Variants in ICE2 observed in about 807,000 individuals in gnomAD.
The protein encoded by ICE2 is interactor of little elongation complex ELL subunit 2.
Under a neutral mutation model 105.4 loss-of-function variants are expected in ICE2, and 87 were observed. The ratio of observed to expected loss-of-function variants is 0.83; its 90% CI spans 0.69 to 0.99. The LOEUF is 0.99. Ranked by LOEUF, ICE2 falls within the 50% of genes least tolerant of loss-of-function variation. ICE2 has a pLI of 0.00. For missense variants in ICE2, 1,323 were observed against 1,146.7 expected, an observed-to-expected ratio of 1.15 and a Z score of -2.22; for synonymous variants, 399 against 392.0, an observed-to-expected ratio of 1.02 and a Z score of -0.21.
chr15:60,471,876 C>T (rs1395820457), intron 3 of ICE2, among the ~76,000 whole-genome samples: 2 of 151,636 alleles, frequency 1.3e-5, no homozygotes, highest in Non-Finnish European at 1.5e-5. Flanking sequence ...TTAAAAGTAG[C>T]ATTTGGAAAT....
At chr15:60,474,703 C>T (rs1436774218) in intron 3 of ICE2, among the ~76,000 whole-genome samples, 3 of 152,072 alleles carry the variant, frequency 2.0e-5, no homozygotes, top group African/African-American at 7.3e-5. Flanking sequence ...TATTTCTTCC[C>T]AGTGAGCATA....
At position 60,468,631 on chromosome 15, in the gene ICE2, T is replaced by C. The variant is rs185081029; in HGVS notation, c.147-309A>G. Among the ~76,000 whole-genome samples the C allele has an allele frequency of 4.7e-3, 709 of 152,320 alleles. 3 individuals are homozygous for C. The highest frequency in any genetic ancestry group is 0.015 in the African/African-American group (637 of 41,570). ...GAAAATCGTTCTTGCCAATTACACA[T>C]GCAGGTACTTTATGTTTACATTTTA... On this transcript the variant is annotated intron_variant, in intron 3 of 15. Coordinates refer to ENST00000261520, the MANE Select transcript of ICE2 (RefSeq NM_024611.6).
At chr15:60,428,772 T>C (rs1055554277) in intron 14 of ICE2, 85 bp from the exon 15 acceptor site, 15 of 1,409,942 alleles carry the variant, frequency 1.1e-5, no homozygotes, top group South Asian at 1.5e-5. Context: ...ATTAGTAAAA[T>C]TGAAAATTAT....
chr15:60,472,696 C>A (rs1310531752), intron 3 of ICE2, among the ~76,000 whole-genome samples: 2 of 151,980 alleles, frequency 1.3e-5, no homozygotes, highest in African/African-American at 4.8e-5. Flanking sequence ...TGAAAAGAAC[C>A]GTAAAAATAA....
At chr15:60,464,375 C>G (rs913218201) in intron 5 of ICE2, among the ~76,000 whole-genome samples, 2 of 151,786 alleles carry the variant, frequency 1.3e-5, no homozygotes, top group Non-Finnish European at 2.9e-5. Context: ...CACTGTTTTA[C>G]AAAAACAGTG....
chr15:60,428,470 T>G lies in ICE2; in HGVS notation c.2779A>C (p.Thr927Pro). ...YHIHHGRIPCTFPPKSLDTTT... is the reference protein window; with the variant it reads ...YHIHHGRIPCPFPPKSLDTTT... Reference sequence around the variant, plus strand: ...GTATCCAGTGATTTCGGTGGAAAAGTACAAGGTATTCTTCCATGATGGATA... The same window carrying G: ...GTATCCAGTGATTTCGGTGGAAAAGGACAAGGTATTCTTCCATGATGGATA... The change falls in exon 15 of 16, where the codon ACT (threonine) becomes CCT (proline). Residue 927 changes from threonine (T) to proline (P), a missense_variant. Coordinates refer to ENST00000261520, the MANE Select transcript of ICE2 (RefSeq NM_024611.6). 6.2e-7 allele frequency: 1 copy of G among 1,614,110 alleles called. No homozygotes were observed. The highest frequency in any genetic ancestry group is 8.5e-7 in the Non-Finnish European group (1 of 1,179,982).
intron 5 of ICE2, among the ~76,000 whole-genome samples, chr15:60,462,116 TGCTACATGGTAA>T (rs2064295525): frequency 6.6e-6 from 1 of 152,244 alleles, no homozygotes; most frequent in Non-Finnish European, 1.5e-5. Flanking sequence ...GTATTTATTC[TGCTACATGGTAA>T]GCTACATGAA....
chr15:60,468,340 ATT>A lies in ICE2; in HGVS notation c.147-20_147-19del. 1 of 1,572,708 alleles carries A rather than the reference ATT, an allele frequency of 6.4e-7. No individual in the cohort carries two copies. Among genetic ancestry groups the A allele is most frequent in the Non-Finnish European group, 8.7e-7 (1 of 1,150,820 alleles). On this transcript the variant is annotated intron_variant, in intron 3 of 15. Transcript: ENST00000261520. ...CTATACGTCTGGAAAACAAAATATA[ATT>A]TACAAATATGTGCTTTTCACATGAA...
rs972854160 is a variant in ICE2, at chr15:60,422,238, T to C, written c.*1396A>G. The C allele has an allele frequency of 1.3e-5, 2 of 151,734 alleles. No homozygotes were observed. The highest frequency in any genetic ancestry group is 4.8e-5 in the African/African-American group (2 of 41,282). The allele number at this position is 151,734 out of a possible 1,614,324, so 9.4% of individuals were successfully genotyped here. ...GCCTTGACTTCTTGGGCTCAAGCAA[T>C]TCTTCTGCCTCAGCCTTTTGAGTAG... On this transcript the variant is annotated 3_prime_UTR_variant, in exon 16 of 16. Transcript: ENST00000261520.
intron 4 of ICE2, among the ~76,000 whole-genome samples, chr15:60,467,200 T>C (rs2064455797): frequency 6.6e-6 from 1 of 152,156 alleles, no homozygotes; most frequent in Admixed American, 6.5e-5. Context: ...TGATCTCAGG[T>C]GATCTACCTG....
intron 11 of ICE2, 61 bp downstream of exon 11, chr15:60,447,909 A>G (rs1229496972): frequency 1.5e-6 from 2 of 1,301,546 alleles, no homozygotes; most frequent in Non-Finnish European, 2.2e-6. Flanking sequence ...CAGTAATGGC[A>G]TGTTAAGTAT....
In ICE2 at chr15:60,449,572, T is replaced by C. The variant is rs1301245308; in HGVS notation, c.1395A>G (p.Gln465=). The C allele has an allele frequency of 6.2e-6, 10 of 1,614,078 alleles. No individual in the cohort carries two copies. The highest frequency in any genetic ancestry group is 4.5e-5 in the East Asian group (2 of 44,902). The change falls in exon 10 of 16, where the codon CAA becomes CAG. Residue 465 remains glutamine, a synonymous_variant. Coordinates refer to ENST00000261520, the MANE Select transcript of ICE2 (RefSeq NM_024611.6). ...TACCAGTGACCAGCTGTTTCTCCTT[T>C]TGCAATTGTTCCATCAGAATCTGAG... ...SLSQILMEQL[Q]KEKQLVTGMD...
At chr15:60,453,035 A>C (rs2064002679) in intron 9 of ICE2, 1 of 840,316 alleles carries the variant, frequency 1.2e-6, no homozygotes. Context: ...GTTTGAGACC[A>C]GCCAGGCCAA....
intron 5 of ICE2, among the ~76,000 whole-genome samples, chr15:60,460,147 A>G (rs1262070483): frequency 1.3e-5 from 2 of 152,168 alleles, no homozygotes; most frequent in African/African-American, 4.8e-5. Context: ...TCAAGACCAT[A>G]TGGTTTTGGC....
At chr15:60,478,222 C>T (rs181626061) in intron 1 of ICE2, among the ~76,000 whole-genome samples, 153 bp from the exon 2 acceptor site, 38 of 152,304 alleles carry the variant, frequency 2.5e-4, no homozygotes, top group African/African-American at 9.1e-4. Flanking sequence ...TGTAGCAGAG[C>T]AGCAATGACG....
intron 13 of ICE2, among the ~76,000 whole-genome samples, chr15:60,435,509 G>A (rs549188848): frequency 6.6e-6 from 1 of 151,026 alleles, no homozygotes; most frequent in Admixed American, 6.6e-5. Context: ...TGAGGCAGGA[G>A]AATCGCTTGA....
intron 14 of ICE2, 64 bp downstream of exon 14, chr15:60,431,870 T>C: frequency 3.2e-6 from 3 of 925,748 alleles, no homozygotes; most frequent in Non-Finnish European, 5.1e-6. Flanking sequence ...ATTTTCAAAG[T>C]TTCTAAGAAT....
At chr15:60,448,404 A>G (rs1231582338) in intron 10 of ICE2, among the ~76,000 whole-genome samples, 1 of 152,218 alleles carries the variant, frequency 6.6e-6, no homozygotes, top group East Asian at 1.9e-4. Flanking sequence ...GAGACAGCAT[A>G]CCATGTGAGA....
At chr15:60,464,718 A>G (rs1291547621) in intron 5 of ICE2, among the ~76,000 whole-genome samples, 1 of 152,154 alleles carries the variant, frequency 6.6e-6, no homozygotes, top group South Asian at 2.1e-4. Context: ...CATGCAGGCC[A>G]CTGTAGAACT....
Sources: gnomAD v4.1 joint callset for allele counts (sites outside exome capture counted in the v4.1 genomes callset) on GRCh38, gnomAD v4.1.1 for gene constraint, MANE v1.5 for transcripts, NCBI Gene and HGNC (gene_info 2026-07-23, HGNC 2026-07-21) for gene names.